PTPRT: variants seen among roughly 807,000 people sequenced by gnomAD.
The protein encoded by PTPRT is protein tyrosine phosphatase receptor type T, also known as receptor-type tyrosine-protein phosphatase T.
A neutral mutation model predicts 176.8 loss-of-function variants in PTPRT; 56 were observed. The ratio of observed to expected loss-of-function variants is 0.32; its 90% CI spans 0.26 to 0.40. The LOEUF is 0.40. PTPRT is among the 10% of genes least tolerant of loss of function. The probability of loss-of-function intolerance (pLI) is 1.00; values close to 1 mark genes in which losing one functional copy is unlikely to be tolerated. For synonymous variants in PTPRT, 783 were observed against 739.0 expected (o/e 1.06, Z -0.96); for missense variants, 1,540 against 1,908.2 (o/e 0.81, Z 3.60).
intron 6 of PTPRT, among the ~76,000 whole-genome samples, chr20:42,694,232 G>T (rs751406670): frequency 5.3e-5 from 8 of 151,828 alleles, no homozygotes; most frequent in Non-Finnish European, 1.2e-4. Flanking sequence ...TAGAGACGGG[G>T]TTTCACTGTG....
chr20:42,986,009 A>C (rs1188322893), intron 1 of PTPRT, among the ~76,000 whole-genome samples: 2 of 152,232 alleles, frequency 1.3e-5, no homozygotes, highest in Admixed American at 6.5e-5. Context: ...AGGGACATAA[A>C]ATTAGTACAA....
At chr20:43,158,277 A>G (rs2014580777) in intron 1 of PTPRT, among the ~76,000 whole-genome samples, 1 of 152,152 alleles carries the variant, frequency 6.6e-6, no homozygotes, top group Admixed American at 6.5e-5. Flanking sequence ...GTTGCCATTG[A>G]CTGACATGAG....
chr20:42,354,544 C>T (rs1687299765), intron 9 of PTPRT, among the ~76,000 whole-genome samples: 1 of 152,190 alleles, frequency 6.6e-6, no homozygotes, highest in Non-Finnish European at 1.5e-5. Context: ...TTATTTGCTC[C>T]TTCACAGTGT....
chr20:42,539,446 T>C (rs1486891988), intron 7 of PTPRT, among the ~76,000 whole-genome samples: 2 of 151,710 alleles, frequency 1.3e-5, no homozygotes, highest in Non-Finnish European at 1.5e-5. Context: ...GATCTCTCAT[T>C]GCTTAAATAA....
intron 2 of PTPRT, 96 bp downstream of exon 2, chr20:42,885,711 T>A (rs1568660095): frequency 6.8e-7 from 1 of 1,470,832 alleles, no homozygotes; most frequent in Non-Finnish European, 9.2e-7. Flanking sequence ...GATTGCCATC[T>A]CAGAGAGCTC....
At chr20:42,183,357 G>A (rs968497170) in intron 16 of PTPRT, among the ~76,000 whole-genome samples, 2 of 152,078 alleles carry the variant, frequency 1.3e-5, no homozygotes, top group African/African-American at 4.8e-5. Flanking sequence ...CGCTAACACC[G>A]TCCCCTGCCC....
chr20:42,086,002 C>T (rs2146120070), intron 27 of PTPRT, 149 bp from the exon 28 acceptor site: 2 of 1,037,540 alleles, frequency 1.9e-6, no homozygotes, highest in South Asian at 3.6e-5. Flanking sequence ...GCCTGGAGTG[C>T]ATTGGCACGA....
chr20:43,008,262 G>C (rs545796513), intron 1 of PTPRT, among the ~76,000 whole-genome samples: 2 of 152,186 alleles, frequency 1.3e-5, no homozygotes, highest in South Asian at 2.1e-4. Flanking sequence ...TCCTTAAAAA[G>C]GGGCTCCAGA....
intron 7 of PTPRT, among the ~76,000 whole-genome samples, chr20:42,580,586 G>A (rs555498710): frequency 7.2e-4 from 110 of 151,992 alleles, no homozygotes; most frequent in Non-Finnish European, 1.4e-3. Context: ...TCATTGAGCA[G>A]TGGTTTGTAG....
At chr20:42,809,830 T>TCTG in intron 2 of PTPRT, among the ~76,000 whole-genome samples, 1 of 152,084 alleles carries the variant, frequency 6.6e-6, no homozygotes, top group Non-Finnish European at 1.5e-5. Context: ...GATCCTTAAC[T>TCTG]CAACTGCATC....
At position 42,104,639 on chromosome 20, in the gene PTPRT, C is replaced by G; in HGVS notation, c.3470G>C (p.Arg1157Pro). The change falls in exon 25 of 31, where the codon CGT becomes CCT. Residue 1157 changes from arginine to proline, a missense_variant. By Grantham distance (103) the Arg-to-Pro change is moderately radical (BLOSUM62 -2). This residue lies in a region of PTPRT where 342 missense variants were observed against 394.0 expected (regional missense o/e 0.87). Coordinates refer to ENST00000373187, the MANE Select transcript of PTPRT (RefSeq NM_007050.6). ...CCTGCTGATATTGTAGTAGAGAGAA[C>G]GGAACTCACACACAGGGATGGCAGT... ...GNTAIPVCEF[R>P]SLYYNISRLD... is the part of the protein sequence containing the mutation. The G allele has an allele frequency of 6.2e-7, 1 of 1,604,960 alleles. No individual in the cohort carries two copies. Among genetic ancestry groups the G allele is most frequent in the Non-Finnish European group, 8.5e-7 (1 of 1,171,740 alleles).
intron 2 of PTPRT, among the ~76,000 whole-genome samples, chr20:42,878,129 A>C (rs182665900): frequency 2.0e-4 from 31 of 152,362 alleles, no homozygotes; most frequent in African/African-American, 7.5e-4. Flanking sequence ...GGAGATGAGC[A>C]CAGAGATGTA....
intron 6 of PTPRT, among the ~76,000 whole-genome samples, chr20:42,713,831 T>G (rs1451364694): frequency 6.6e-6 from 1 of 152,108 alleles, no homozygotes; most frequent in Non-Finnish European, 1.5e-5. Context: ...CCTCCCCCTC[T>G]CTCTTCCTCC....
At chr20:42,223,223 C>T (rs2055926305) in intron 15 of PTPRT, among the ~76,000 whole-genome samples, 1 of 152,174 alleles carries the variant, frequency 6.6e-6, no homozygotes. Context: ...CTACAAGGTA[C>T]TGAGCACCTA....
chr20:43,166,276 G>A (rs1023497185), intron 1 of PTPRT, among the ~76,000 whole-genome samples: 3 of 151,212 alleles, frequency 2.0e-5, no homozygotes, highest in East Asian at 1.9e-4. Context: ...GCAGTGAGTC[G>A]AGATTGTGCC....
At position 42,467,028 on chromosome 20, in the gene PTPRT, G is replaced by A. The variant is rs1040027180; in HGVS notation, c.1450+5238C>T. ...ATGGCAGTAGAGGATTTCAATACAC[G>A]GAGTCAAAAATGATCTATGAATCAA... On this transcript the variant is annotated intron_variant, in intron 8 of 30. Transcript: ENST00000373187. 2.6e-5 allele frequency among the ~76,000 whole-genome samples: 4 copies of A among 152,042 alleles called. No homozygotes were observed. The South Asian group carries it at 6.2e-4, about 24-fold the overall frequency.
chr20:43,072,105 A>G (rs1241494663), intron 1 of PTPRT, among the ~76,000 whole-genome samples: 1 of 152,206 alleles, frequency 6.6e-6, no homozygotes, highest in African/African-American at 2.4e-5. Context: ...ATGTCTACCG[A>G]GTCAAACCAA....
chr20:42,698,571 A>C (rs992889241), intron 6 of PTPRT, among the ~76,000 whole-genome samples: 4 of 152,232 alleles, frequency 2.6e-5, no homozygotes, highest in Non-Finnish European at 5.9e-5. Flanking sequence ...CATGCAGAGA[A>C]GTTTTGGAGT....
chr20:43,032,333 A>G (rs759901511), intron 1 of PTPRT, among the ~76,000 whole-genome samples: 46 of 152,196 alleles, frequency 3.0e-4, no homozygotes, highest in Non-Finnish European at 4.9e-4. Flanking sequence ...GGTCAGGTCT[A>G]AGAATATTTC....
Sources: allele counts gnomAD v4.1 joint callset (sites outside exome capture counted in the v4.1 genomes callset), GRCh38; gene constraint gnomAD v4.1.1; regional missense constraint gnomAD v4.1.1; transcripts MANE v1.5; gene names NCBI Gene and HGNC (gene_info 2026-07-23, HGNC 2026-07-21).